Variants in FAM131C observed in about 807,000 individuals in gnomAD.
FAM131C encodes protein FAM131C.
FAM131C carries 14 observed loss-of-function variants against 29.8 expected under a neutral mutation model. The observed-to-expected ratio is 0.47, with a 90% CI of 0.31 to 0.73. The LOEUF (loss-of-function observed/expected upper bound fraction) is 0.73. Among genes scored for constraint, FAM131C ranks in the 30% least tolerant of loss-of-function variants. The probability of loss-of-function intolerance (pLI) is 0.05; values close to 1 mark genes in which losing one functional copy is unlikely to be tolerated. For synonymous variants in FAM131C, 86 were observed against 157.8 expected, an observed-to-expected ratio of 0.54 and a Z score of 3.41; for missense variants, 252 against 383.8, an observed-to-expected ratio of 0.66 and a Z score of 2.87.
intron 1 of FAM131C, among the ~76,000 whole-genome samples, chr1:16,063,973 C>G (rs996796640): frequency 6.6e-6 from 1 of 152,098 alleles, no homozygotes; most frequent in Non-Finnish European, 1.5e-5. Context: ...GCTCCTGGCC[C>G]GGCTGACACC....
chr1:16,064,756 C>T (rs899424991), intron 1 of FAM131C, among the ~76,000 whole-genome samples: 1 of 152,236 alleles, frequency 6.6e-6, no homozygotes, highest in African/African-American at 2.4e-5. Flanking sequence ...CCCACATCTA[C>T]TTCCTCGTCC....
At position 16,059,918 on chromosome 1, in the gene FAM131C, C is replaced by T. The variant is rs967606930; in HGVS notation, c.402G>A (p.Glu134=). ...AGWELSPAED[E]HYCCLPDELR... ...GCTCATCCGGGAGGCAGCAGTAATG[C>T]TCGTCCTCAGCTGGGGACAGCTCCC... The change falls in exon 5 of 7, where the codon GAG becomes GAA. Residue 134 remains glutamate (E), a synonymous_variant. Transcript: ENST00000375662. 5 of 1,437,698 alleles carry T rather than the reference C, an allele frequency of 3.5e-6. No homozygotes were observed. The highest frequency in any genetic ancestry group is 2.3e-4 in the Middle Eastern group (1 of 4,264). The allele number at this position is 1,437,698 out of a possible 1,614,324, so 89.1% of individuals were successfully genotyped here.
In FAM131C at chr1:16,073,447, G is replaced by C. The variant is rs1469595438; in HGVS notation, c.-5C>G. ...TCGCGACACGCAGGAGCCCATCACG[G>C]GGCCGCGGGGCCGGGCCGCTGCGCC... is the stretch of plus-strand genomic sequence containing the variant. On this transcript the variant is annotated 5_prime_UTR_variant, in exon 1 of 7. Coordinates refer to ENST00000375662, the MANE Select transcript of FAM131C (RefSeq NM_182623.3). 1 of 1,207,250 alleles carries C rather than the reference G, an allele frequency of 8.3e-7. No homozygotes were observed. Among genetic ancestry groups the C allele is most frequent in the South Asian group, 4.1e-5 (1 of 24,140 alleles). 74.8% of individuals were successfully genotyped at this position (1,207,250 alleles called of 1,614,324 possible). A position where few individuals can be genotyped will look rare whatever the true frequency, so the allele number is the denominator to read the frequency against.
chr1:16,069,402 C>G (rs1464472807), intron 1 of FAM131C, among the ~76,000 whole-genome samples: 1 of 152,202 alleles, frequency 6.6e-6, no homozygotes, highest in Non-Finnish European at 1.5e-5. Context: ...GGTCGGCCCC[C>G]TTAGAGCTTG....
chr1:16,062,050 G>A, intron 4 of FAM131C, 49 bp downstream of exon 4: 1 of 1,586,098 alleles, frequency 6.3e-7, no homozygotes, highest in African/African-American at 1.3e-5. Flanking sequence ...AGGGTCTAGG[G>A]TGGGACCGTG....
rs372900761 is a variant in FAM131C at position 16,058,724 on chromosome 1, A to G, written c.563-7T>C. The G allele has an allele frequency of 1.0e-3, 1,599 of 1,584,060 alleles. No individual in the cohort carries two copies. The African/African-American group carries it at 0.019, about 19-fold the overall frequency. On this transcript the variant is annotated splice_region_variant and splice_polypyrimidine_tract_variant and intron_variant, in intron 6 of 6. Coordinates refer to ENST00000375662, the MANE Select transcript of FAM131C (RefSeq NM_182623.3). ...AGGTAGATGCTCTCCAGATCTGGAA[A>G]AGCAAGGGGGTGATGGGGGAATGGC... is the stretch of plus-strand genomic sequence containing the variant.
intron 1 of FAM131C, among the ~76,000 whole-genome samples, chr1:16,064,397 G>A (rs770156432): frequency 9.1e-4 from 138 of 152,138 alleles, no homozygotes; most frequent in Non-Finnish European, 1.4e-3. Context: ...AACAAAGGAA[G>A]AGCTGTTCCT....
At chr1:16,066,756 CTG>C (rs1459213859) in intron 1 of FAM131C, among the ~76,000 whole-genome samples, 1 of 152,192 alleles carries the variant, frequency 6.6e-6, no homozygotes, top group Non-Finnish European at 1.5e-5. Flanking sequence ...AAAATTTTCT[CTG>C]TGTGTATTCT....
At chr1:16,071,900 G>A (rs1395425926) in intron 1 of FAM131C, among the ~76,000 whole-genome samples, 4 of 152,186 alleles carry the variant, frequency 2.6e-5, no homozygotes, top group African/African-American at 9.7e-5. Context: ...GGACCCCAAG[G>A]TGCCTGATAT....
intron 1 of FAM131C, 140 bp downstream of exon 1, chr1:16,073,281 C>G (rs989223720): frequency 9.9e-6 from 4 of 405,790 alleles, no homozygotes; most frequent in South Asian, 1.3e-4. Flanking sequence ...CTCTGTCCCC[C>G]TCAGGACGCC....
chr1:16,065,582 G>T (rs2023672368), intron 1 of FAM131C, among the ~76,000 whole-genome samples: 1 of 152,240 alleles, frequency 6.6e-6, no homozygotes, highest in Non-Finnish European at 1.5e-5. Flanking sequence ...TTCTACAGGG[G>T]CTGCCCTAGG....
chr1:16,059,466 C>G (rs2863451), intron 6 of FAM131C, 28 bp downstream of exon 6: 1 of 1,608,632 alleles, frequency 6.2e-7, no homozygotes, highest in South Asian at 1.1e-5. Context: ...TCTGCCCACC[C>G]CCGCCCCCTG....
chr1:16,070,311 T>C (rs2152459), intron 1 of FAM131C, among the ~76,000 whole-genome samples: 23,335 of 152,172 alleles, frequency 0.15, 3,323 homozygotes, highest in African/African-American at 0.37. Context: ...AGATAATGAA[T>C]GCAAAATAGC....
rs1469595438 is a variant in FAM131C at position 16,073,447 on chromosome 1, G to A, written c.-5C>T. On this transcript the variant is annotated 5_prime_UTR_variant, in exon 1 of 7. Transcript: ENST00000375662. ...TCGCGACACGCAGGAGCCCATCACG[G>A]GGCCGCGGGGCCGGGCCGCTGCGCC... 116 of 1,207,250 alleles carry A rather than the reference G, an allele frequency of 9.6e-5. No individual in the cohort carries two copies. Among genetic ancestry groups the A allele is most frequent in the Non-Finnish European group, 1.2e-4 (114 of 971,868 alleles). 74.8% of individuals were successfully genotyped at this position (1,207,250 alleles called of 1,614,324 possible).
intron 1 of FAM131C, among the ~76,000 whole-genome samples, chr1:16,072,626 G>C (rs1188986181): frequency 6.6e-6 from 1 of 152,088 alleles, no homozygotes; most frequent in Non-Finnish European, 1.5e-5. Flanking sequence ...GGTGGAGGTA[G>C]GGGGCTCCAA....
chr1:16,065,145 G>A (rs1038050869), intron 1 of FAM131C, among the ~76,000 whole-genome samples: 32 of 152,096 alleles, frequency 2.1e-4, no homozygotes, highest in African/African-American at 7.5e-4. Context: ...TCTCCACATG[G>A]ATGCCCAAGG....
chr1:16,073,586 TC>T lies in FAM131C; in HGVS notation c.-145del. 6.8e-6 allele frequency: 2 copies of T among 292,680 alleles called. No homozygotes were observed. Among genetic ancestry groups the T allele is most frequent in the Non-Finnish European group, 1.2e-5 (2 of 172,312 alleles). The allele number at this position is 292,680 out of a possible 1,614,324, so 18.1% of individuals were successfully genotyped here. Reference sequence around the variant, plus strand: ...CGGGCGCCCTCAGCTCGGCCTCAGCTCCAGCCTGGGTCGTCCCTGCTGCCGC... The same window carrying T: ...CGGGCGCCCTCAGCTCGGCCTCAGCTCAGCCTGGGTCGTCCCTGCTGCCGC... On this transcript the variant is annotated 5_prime_UTR_variant, in exon 1 of 7. Transcript: ENST00000375662.
chr1:16,069,805 A>G (rs1245730585), intron 1 of FAM131C, among the ~76,000 whole-genome samples: 1 of 152,194 alleles, frequency 6.6e-6, no homozygotes, highest in Admixed American at 6.5e-5. Flanking sequence ...TTTGTTGCCC[A>G]GGCTAGAGTG....
At chr1:16,059,667 G>C (rs2023560716) in intron 5 of FAM131C, 63 bp from the exon 6 acceptor site, 1 of 1,445,744 alleles carries the variant, frequency 6.9e-7, no homozygotes, top group African/African-American at 1.4e-5. Context: ...GTGCCTGATG[G>C]AGCTGCTCCA....
Sources: gnomAD v4.1 joint callset for allele counts (sites outside exome capture counted in the v4.1 genomes callset) on GRCh38, gnomAD v4.1.1 for gene constraint, MANE v1.5 for transcripts, NCBI Gene and HGNC (gene_info 2026-07-23, HGNC 2026-07-21) for gene names.